Variants in LRTM3 observed in about 807,000 individuals in gnomAD.
LRTM3 encodes the protein leucine-rich repeat transmembrane protein 3.
the LRTM3 span, chr13:102,736,350 C>CTGA: frequency 3.5e-5 from 54 of 1,551,100 alleles, no homozygotes; most frequent in South Asian, 5.8e-4. Context: ...TGTGGAGGTG[C>CTGA]TGATGTCTTT....
chr13:102,730,348 C>G, the LRTM3 span: 3 of 1,551,102 alleles, frequency 1.9e-6, no homozygotes, highest in Admixed American at 3.9e-5. Flanking sequence ...GACATGAACA[C>G]TCGTCCAAGT....
chr13:102,738,541 C>A, the LRTM3 span: 1 of 1,550,718 alleles, frequency 6.4e-7, no homozygotes, highest in East Asian at 2.4e-5. Flanking sequence ...ATTTCATTTT[C>A]TTCAAAGCCC....
chr13:102,730,564 C>T, the LRTM3 span: 4 of 1,551,744 alleles, frequency 2.6e-6, no homozygotes, highest in African/African-American at 4.1e-5. Flanking sequence ...GAGTATCTTT[C>T]TTCCTCGGGC....
At chr13:102,731,034 C>A in the LRTM3 span, 1 of 1,551,454 alleles carries the variant, frequency 6.4e-7, no homozygotes, top group Non-Finnish European at 8.7e-7. Flanking sequence ...AATGTTTTCA[C>A]AGAAAAGTGC....
chr13:102,736,822 G>A, the LRTM3 span: 1 of 1,551,002 alleles, frequency 6.4e-7, no homozygotes, highest in Non-Finnish European at 8.7e-7. Context: ...ATTTTGTTCT[G>A]TTTGAATCAC....
the LRTM3 span, chr13:102,743,757 T>C: frequency 6.4e-7 from 1 of 1,550,390 alleles, no homozygotes; most frequent in South Asian, 1.2e-5. Context: ...GTAGACTCTC[T>C]ATTGATTTTA....
the LRTM3 span, chr13:102,740,514 G>C: frequency 3.2e-6 from 5 of 1,549,740 alleles, no homozygotes; most frequent in African/African-American, 5.5e-5. Context: ...GAAATTGGTA[G>C]GTACTGCCAT....
chr13:102,734,523 G>C, the LRTM3 span: 6 of 1,551,278 alleles, frequency 3.9e-6, no homozygotes, highest in Admixed American at 5.9e-5. Flanking sequence ...ATACAGGAAC[G>C]AGGTGACTTC....
the LRTM3 span, chr13:102,747,448 T>C: frequency 8.7e-5 from 135 of 1,548,600 alleles, 1 homozygote; most frequent in Non-Finnish European, 1.1e-4. Flanking sequence ...TGACACTGAG[T>C]ACACTTTTTG....
chr13:102,733,386 A>T, the LRTM3 span: 1 of 1,551,266 alleles, frequency 6.4e-7, no homozygotes, highest in Non-Finnish European at 8.7e-7. Context: ...AGTTCTGGAG[A>T]TACTTTCGAT....
At chr13:102,755,953 ATATATATATTT>A in the LRTM3 span, among the ~76,000 whole-genome samples, 3 of 32,564 alleles carry the variant, frequency 9.2e-5, no homozygotes, top group African/African-American at 2.0e-4. Flanking sequence ...ATATATATAT[ATATATATATTT>A]TTTTTTTTTC....
chr13:102,757,560 A>C, the LRTM3 span, among the ~76,000 whole-genome samples: 8 of 152,226 alleles, frequency 5.3e-5, no homozygotes, highest in Non-Finnish European at 1.2e-4. Flanking sequence ...CAACTCTGAA[A>C]TAATAGTAAT....
chr13:102,746,270 G>T, the LRTM3 span: 1 of 1,550,858 alleles, frequency 6.4e-7, no homozygotes, highest in Admixed American at 2.0e-5. Flanking sequence ...GCTCAGCTGT[G>T]GCGCTGCTTC....
At chr13:102,740,431 C>T in the LRTM3 span, 1 of 1,550,168 alleles carries the variant, frequency 6.5e-7, no homozygotes, top group Middle Eastern at 1.7e-4. Flanking sequence ...CTTCCTTTTC[C>T]TGAGGCATTA....
the LRTM3 span, chr13:102,747,838 A>T: frequency 2.3e-5 from 35 of 1,551,250 alleles, no homozygotes; most frequent in Middle Eastern, 1.7e-4. Context: ...CTTGCTCTTT[A>T]TTTGGGGCTT....
chr13:102,736,029 C>G, the LRTM3 span: 1 of 1,549,316 alleles, frequency 6.5e-7, no homozygotes, highest in Non-Finnish European at 8.7e-7. Context: ...CCTTCCCTGC[C>G]TTCTATTTTT....
At chr13:102,739,748 T>C in the LRTM3 span, 4 of 1,549,116 alleles carry the variant, frequency 2.6e-6, no homozygotes, top group South Asian at 1.2e-5. Flanking sequence ...ACTTTTAACA[T>C]TACTTGAGAT....
the LRTM3 span, chr13:102,736,105 A>G: frequency 6.5e-7 from 1 of 1,541,908 alleles, no homozygotes; most frequent in African/African-American, 1.4e-5. Context: ...TATGTGAGCT[A>G]ATACCTTCAT....
chr13:102,758,598 T>C, the LRTM3 span: 1 of 1,541,626 alleles, frequency 6.5e-7, no homozygotes, highest in Non-Finnish European at 8.8e-7. Flanking sequence ...GAAAAAAAAT[T>C]GTTAGAGGAG....
Sources: allele counts gnomAD v4.1 joint callset (sites outside exome capture counted in the v4.1 genomes callset), GRCh38; gene constraint gnomAD v4.1.1; transcripts MANE v1.5; gene names NCBI Gene and HGNC (gene_info 2026-07-23, HGNC 2026-07-21).